The following NRXN1 variants were observed in gnomAD, a reference collection of about 807,000 sequenced individuals.
NRXN1 encodes the protein neurexin-1.
NRXN1 carries 39 observed loss-of-function variants against 150.9 expected under a neutral mutation model. The observed-to-expected ratio is 0.26, with a 90% CI of 0.20 to 0.34. NRXN1 has a LOEUF of 0.34. Ranked by LOEUF, NRXN1 falls within the 10% of genes least tolerant of loss-of-function variation. NRXN1 has a pLI of 1.00. For synonymous variants in NRXN1, 924 were observed against 757.0 expected, an observed-to-expected ratio of 1.22 and a Z score of -3.62; for missense variants, 1,815 against 1,949.9, an observed-to-expected ratio of 0.93 and a Z score of 1.30.
At chr2:50,865,157 G>T (rs1023037702) in intron 5 of NRXN1, among the ~76,000 whole-genome samples, 2 of 151,994 alleles carry the variant, frequency 1.3e-5, no homozygotes, top group African/African-American at 4.8e-5. Flanking sequence ...TAGTTCTAGG[G>T]TCTACAGACA....
chr2:50,109,045 G>A (rs72832052), intron 18 of NRXN1, among the ~76,000 whole-genome samples: 5 of 152,180 alleles, frequency 3.3e-5, no homozygotes, highest in Non-Finnish European at 7.4e-5. Context: ...AAATGTTTTG[G>A]AATAAAGAAT....
At chr2:50,826,314 C>G (rs1213898292) in intron 5 of NRXN1, among the ~76,000 whole-genome samples, 1 of 151,990 alleles carries the variant, frequency 6.6e-6, no homozygotes, top group Non-Finnish European at 1.5e-5. Flanking sequence ...AGTATGAAAG[C>G]CCCAACTAGG....
intron 5 of NRXN1, among the ~76,000 whole-genome samples, chr2:50,899,736 T>G (rs780069010): frequency 1.3e-5 from 2 of 152,234 alleles, no homozygotes; most frequent in Non-Finnish European, 2.9e-5. Context: ...TAGGTTCTTA[T>G]GACATTATTT....
chr2:50,901,354 T>C (rs1311589078), intron 5 of NRXN1, among the ~76,000 whole-genome samples: 1 of 151,814 alleles, frequency 6.6e-6, no homozygotes, highest in Non-Finnish European at 1.5e-5. Context: ...GCTAACATGG[T>C]GAAAACCAGT....
At chr2:49,998,413 AT>A (rs1683345564) in intron 21 of NRXN1, among the ~76,000 whole-genome samples, 11 of 152,194 alleles carry the variant, frequency 7.2e-5, no homozygotes, top group Admixed American at 6.5e-4. Context: ...TCCCTTCAAG[AT>A]AGGGAGGATA....
At chr2:50,000,141 T>C (rs1260566924) in intron 21 of NRXN1, among the ~76,000 whole-genome samples, 1 of 152,132 alleles carries the variant, frequency 6.6e-6, no homozygotes, top group East Asian at 1.9e-4. Context: ...GATGAACTAA[T>C]ATGCACAGAA....
chr2:50,771,291 G>A (rs1203314124), intron 5 of NRXN1, among the ~76,000 whole-genome samples: 3 of 151,784 alleles, frequency 2.0e-5, no homozygotes, highest in East Asian at 1.9e-4. Context: ...CTCCCAAAAC[G>A]CAAAATCATA....
chr2:49,945,257 C>G (rs80241637), intron 21 of NRXN1: 3 of 150,428 alleles, frequency 2.0e-5, no homozygotes, highest in African/African-American at 7.3e-5. Flanking sequence ...AAGTGTAAGT[C>G]TTTTTTTTTA....
chr2:51,022,017 C>T (rs1235578122), intron 2 of NRXN1, among the ~76,000 whole-genome samples: 2 of 152,022 alleles, frequency 1.3e-5, no homozygotes, highest in Non-Finnish European at 2.9e-5. Context: ...CTGCATGCAA[C>T]AGAAACAGAG....
chr2:50,014,817 C>A (rs558480126), intron 21 of NRXN1, among the ~76,000 whole-genome samples: 3 of 152,078 alleles, frequency 2.0e-5, no homozygotes, highest in African/African-American at 7.2e-5. Flanking sequence ...TCTTTCTAGG[C>A]AGGAATCTAG....
intron 5 of NRXN1, among the ~76,000 whole-genome samples, chr2:50,642,521 G>A (rs989545712): frequency 2.0e-5 from 3 of 151,860 alleles, no homozygotes; most frequent in Non-Finnish European, 4.4e-5. Flanking sequence ...GGCAAATGAA[G>A]TTAATAAGTT....
intron 5 of NRXN1, among the ~76,000 whole-genome samples, chr2:50,862,922 T>A (rs1470956423): frequency 6.6e-6 from 1 of 152,064 alleles, no homozygotes; most frequent in African/African-American, 2.4e-5. Flanking sequence ...GCCTCATTTA[T>A]CTGCCTACGT....
chr2:50,220,063 G>A (rs1267670249), intron 18 of NRXN1, among the ~76,000 whole-genome samples: 1 of 134,200 alleles, frequency 7.5e-6, no homozygotes, highest in Admixed American at 7.9e-5. Context: ...TCTCATATGA[G>A]CCACAATTTA....
intron 2 of NRXN1, among the ~76,000 whole-genome samples, chr2:50,975,789 T>C (rs1695726164): frequency 6.6e-6 from 1 of 151,962 alleles, no homozygotes; most frequent in African/African-American, 2.4e-5. Context: ...TACCAGTCAA[T>C]CAAACTACCC....
chr2:50,923,039 G>A (rs189694780), intron 3 of NRXN1, among the ~76,000 whole-genome samples: 71 of 151,858 alleles, frequency 4.7e-4, no homozygotes, highest in African/African-American at 1.3e-3. Context: ...TGCCCCCACA[G>A]GGCTTGTAAT....
chr2:50,167,584 T>C (rs1245033040), intron 18 of NRXN1, among the ~76,000 whole-genome samples: 2 of 152,104 alleles, frequency 1.3e-5, no homozygotes, highest in Non-Finnish European at 2.9e-5. Context: ...TTATCAATTG[T>C]TCCCCAATTC....
At chr2:50,220,300 G>A (rs1484368451) in intron 18 of NRXN1, among the ~76,000 whole-genome samples, 1 of 151,718 alleles carries the variant, frequency 6.6e-6, no homozygotes, top group Non-Finnish European at 1.5e-5. Context: ...AGGGTGGATT[G>A]TTAAGACCAA....
chr2:50,048,805 G>GA (rs895440768), intron 21 of NRXN1, among the ~76,000 whole-genome samples: 13 of 151,992 alleles, frequency 8.6e-5, no homozygotes, highest in Non-Finnish European at 1.9e-4. Flanking sequence ...ACTCTACCCT[G>GA]AAAAAATGCC....
chr2:50,107,542 T>A lies in NRXN1; in HGVS notation c.3547-16048A>T, dbSNP rs921795623. Among the ~76,000 whole-genome samples, 604 of 139,296 alleles carry A rather than the reference T, an allele frequency of 4.3e-3. 2 individuals carry two copies. Among genetic ancestry groups the A allele is most frequent in the African/African-American group, 0.01 (392 of 38,624 alleles). The allele number at this position is 139,296 out of a possible 152,430, so 91.4% of individuals were successfully genotyped here. A position where few individuals can be genotyped will look rare whatever the true frequency, so the allele number is the denominator to read the frequency against. ...CTACATATATATATATATATATATT[T>A]TTTTTTTTTACCCAAGTACTACAAT... On this transcript the variant is annotated intron_variant, in intron 18 of 22. Transcript: ENST00000401669.
Sources: allele counts gnomAD v4.1 joint callset (sites outside exome capture counted in the v4.1 genomes callset), GRCh38; gene constraint gnomAD v4.1.1; transcripts MANE v1.5; gene names NCBI Gene and HGNC (gene_info 2026-07-23, HGNC 2026-07-21).